Variants in SV2C observed in about 807,000 individuals in gnomAD.
The protein encoded by SV2C is solute carrier family 22 member B3.
Under a neutral mutation model 79.7 loss-of-function variants are expected in SV2C, and 49 were observed. The observed-to-expected ratio is 0.61, with a 90% CI of 0.49 to 0.78. SV2C has a LOEUF of 0.78. Ranked by LOEUF, SV2C falls within the 30% of genes least tolerant of loss-of-function variation. SV2C has a pLI of 0.00. For synonymous variants in SV2C, 334 were observed against 333.2 expected (o/e 1.00, Z -0.03); for missense variants, 833 against 912.9 (o/e 0.91, Z 1.13).
intron 2 of SV2C, among the ~76,000 whole-genome samples, chr5:76,168,124 T>C (rs1446553910): frequency 6.6e-6 from 1 of 152,060 alleles, no homozygotes; most frequent in Non-Finnish European, 1.5e-5. Context: ...AAACACAAGC[T>C]ACTGACCTCT....
chr5:75,978,925 T>A, the SV2C span, among the ~76,000 whole-genome samples: 1 of 151,900 alleles, frequency 6.6e-6, no homozygotes, highest in Non-Finnish European at 1.5e-5. Flanking sequence ...GGGGTTGCAG[T>A]GGGCTGAGGT....
chr5:76,278,646 A>G (rs1747092596), intron 4 of SV2C, among the ~76,000 whole-genome samples: 1 of 152,246 alleles, frequency 6.6e-6, no homozygotes, highest in Non-Finnish European at 1.5e-5. Flanking sequence ...ATTAAGCTCT[A>G]TGTTCAGAGA....
At chr5:75,934,650 A>G in the SV2C span, among the ~76,000 whole-genome samples, 1 of 152,100 alleles carries the variant, frequency 6.6e-6, no homozygotes, top group African/African-American at 2.4e-5. Context: ...AGAAATTTTG[A>G]AAAAGGATGT....
chr5:76,139,110 CT>C (rs1749167438), intron 2 of SV2C, among the ~76,000 whole-genome samples: 2 of 146,718 alleles, frequency 1.4e-5, no homozygotes, highest in African/African-American at 2.6e-5. Context: ...TGGAGCGAGA[CT>C]CCATCTCAAA....
the SV2C span, among the ~76,000 whole-genome samples, chr5:75,958,667 A>G: frequency 4.0e-4 from 61 of 151,990 alleles, no homozygotes; most frequent in Non-Finnish European, 6.9e-4. Context: ...AAGTTTCTCA[A>G]ATATAGATTT....
In SV2C at chr5:76,107,000, G is replaced by A. The variant is rs549903645; in HGVS notation, c.-102+23488G>A. Among the ~76,000 whole-genome samples, 7 of 152,172 alleles carry A rather than the reference G, an allele frequency of 4.6e-5. No homozygotes were observed. In the South Asian group the frequency reaches 1.4e-3, roughly 32 times the overall value. On this transcript the variant is annotated intron_variant, in intron 1 of 12. Coordinates refer to ENST00000502798, the MANE Select transcript of SV2C (RefSeq NM_014979.4). ...AGTTTATATCTCGTGAGTGTTAAAA[G>A]AATGAACGTATTCACAAATCATAAA...
At chr5:76,005,274 GA>G in the SV2C span, among the ~76,000 whole-genome samples, 1 of 151,986 alleles carries the variant, frequency 6.6e-6, no homozygotes, top group African/African-American at 2.4e-5. Flanking sequence ...TACTAGGAGG[GA>G]AAAAAAGTTT....
In SV2C at chr5:76,331,139, T is replaced by C. The variant is rs977369755; in HGVS notation, c.*5592T>C. On this transcript the variant is annotated 3_prime_UTR_variant, in exon 13 of 13. Transcript: ENST00000502798. Reference sequence around the variant, plus strand: ...TCCCAAAGTGCTGGGATTACAGGCATGAGCCACTACACCTGGCCTAAAGTC... The same window carrying C: ...TCCCAAAGTGCTGGGATTACAGGCACGAGCCACTACACCTGGCCTAAAGTC... 1.6e-4 allele frequency: 25 copies of C among 152,346 alleles called. No individual in the cohort carries two copies. The highest frequency in any genetic ancestry group is 5.3e-4 in the African/African-American group (22 of 41,460). The allele number at this position is 152,346 out of a possible 1,614,324, so 9.4% of individuals were successfully genotyped here.
the SV2C span, among the ~76,000 whole-genome samples, chr5:76,060,327 G>A: frequency 1.5e-4 from 23 of 152,014 alleles, no homozygotes; most frequent in Admixed American, 3.3e-4. Context: ...GGCTGTTTTC[G>A]TCTACACTGA....
chr5:76,111,222 C>A (rs1748086864), intron 1 of SV2C, among the ~76,000 whole-genome samples: 1 of 151,868 alleles, frequency 6.6e-6, no homozygotes, highest in Admixed American at 6.6e-5. Flanking sequence ...TAAATGGAAG[C>A]AGAATCTATC....
intron 4 of SV2C, among the ~76,000 whole-genome samples, chr5:76,240,797 A>G (rs1745760948): frequency 6.6e-6 from 1 of 152,202 alleles, no homozygotes; most frequent in Admixed American, 6.5e-5. Context: ...ACAGAATTTC[A>G]CGAGGCTCCA....
intron 1 of SV2C, among the ~76,000 whole-genome samples, chr5:76,095,466 A>G (rs1216551051): frequency 6.6e-6 from 1 of 152,114 alleles, no homozygotes; most frequent in Non-Finnish European, 1.5e-5. Context: ...AACTTATTGC[A>G]TAGTTATTTA....
chr5:76,203,092 A>G (rs1157680810), intron 3 of SV2C, among the ~76,000 whole-genome samples: 2 of 152,218 alleles, frequency 1.3e-5, no homozygotes, highest in African/African-American at 4.8e-5. Flanking sequence ...GTTTCCCAGT[A>G]TACCCTTTAG....
At chr5:75,900,422 CT>C in the SV2C span, among the ~76,000 whole-genome samples, 3 of 152,214 alleles carry the variant, frequency 2.0e-5, no homozygotes, top group African/African-American at 7.2e-5. Context: ...AGAGTTTCTG[CT>C]GAGAGATCCG....
chr5:76,104,886 C>A (rs1299457914), intron 1 of SV2C, among the ~76,000 whole-genome samples: 1 of 152,142 alleles, frequency 6.6e-6, no homozygotes, highest in South Asian at 2.1e-4. Context: ...AACTTCTTCA[C>A]CCCAGAAGAG....
At chr5:76,054,853 T>G in the SV2C span, among the ~76,000 whole-genome samples, 4 of 152,072 alleles carry the variant, frequency 2.6e-5, no homozygotes, top group South Asian at 2.1e-4. Flanking sequence ...TTGTTTGTTT[T>G]TTTCTTGTAA....
intron 12 of SV2C, among the ~76,000 whole-genome samples, chr5:76,324,027 TA>T (rs1383993859): frequency 1.3e-5 from 2 of 152,030 alleles, no homozygotes; most frequent in African/African-American, 4.8e-5. Flanking sequence ...ACAAAATAAA[TA>T]AAAAATAAAA....
chr5:75,918,901 T>A, the SV2C span, among the ~76,000 whole-genome samples: 2 of 152,264 alleles, frequency 1.3e-5, no homozygotes, highest in African/African-American at 4.8e-5. Context: ...ATGTTTCAGT[T>A]CACAGGGTAG....
intron 1 of SV2C, among the ~76,000 whole-genome samples, chr5:76,113,912 C>G (rs1748173541): frequency 6.6e-6 from 1 of 151,630 alleles, no homozygotes; most frequent in Non-Finnish European, 1.5e-5. Flanking sequence ...ACTTTCCTCC[C>G]CACAATCATA....
Sources: allele counts gnomAD v4.1 joint callset (sites outside exome capture counted in the v4.1 genomes callset), GRCh38; gene constraint gnomAD v4.1.1; transcripts MANE v1.5; gene names NCBI Gene and HGNC (gene_info 2026-07-23, HGNC 2026-07-21).